GIGYF2: variants seen among roughly 807,000 people sequenced by gnomAD.
GIGYF2 encodes the protein GRB10 interacting GYF protein 2, also known as GRB10-interacting GYF protein 2.
A neutral mutation model predicts 208.1 loss-of-function variants in GIGYF2; 25 were observed. The ratio of observed to expected loss-of-function variants is 0.12; its 90% CI spans 0.09 to 0.17. The LOEUF (loss-of-function observed/expected upper bound fraction) is 0.17. Ranked by LOEUF, GIGYF2 falls within the 10% of genes least tolerant of loss-of-function variation. The pLI is 1.00. For synonymous variants in GIGYF2, 534 were observed against 543.8 expected (o/e 0.98, Z 0.25); for missense variants, 1,302 against 1,579.4 (o/e 0.82, Z 2.98).
chr2:232,741,949 C>A (rs1697981884), intron 3 of GIGYF2, among the ~76,000 whole-genome samples: 2 of 152,094 alleles, frequency 1.3e-5, no homozygotes, highest in South Asian at 4.1e-4. Flanking sequence ...ATCTCAAATT[C>A]TCTTTTTCCC....
Position 232,819,904 on chromosome 2 carries a change from A to G in GIGYF2, c.2448A>G (p.Gln816=). Residue 816 remains glutamine, a synonymous_variant, in exon 21 of 29, where the codon CAA becomes CAG. Transcript: ENST00000373563. ...GAGAAGAGGAAGAAAGACAGCAGCA[A>G]GAAGAAGCTCTTAGAAGACTGGAAG... ...RQREEEERQQ[Q]EEALRRLEER... The G allele has an allele frequency of 6.3e-7, 1 of 1,592,130 alleles. No homozygotes were observed. Among genetic ancestry groups the G allele is most frequent in the South Asian group, 1.1e-5 (1 of 90,656 alleles).
chr2:232,836,296 A>ACT (rs1293533593), intron 22 of GIGYF2, among the ~76,000 whole-genome samples: 1,412 of 19,488 alleles, frequency 0.072, 251 homozygotes, highest in Non-Finnish European at 0.094. Flanking sequence ...ATATATATAT[A>ACT]TATATATATA....
At chr2:232,753,922 T>C (rs367854842) in intron 5 of GIGYF2, among the ~76,000 whole-genome samples, 2 of 152,054 alleles carry the variant, frequency 1.3e-5, no homozygotes, top group East Asian at 3.9e-4. Context: ...TCCCAGCACT[T>C]TGGGAGGCCG....
chr2:232,815,695 C>T lies in GIGYF2; in HGVS notation c.2166C>T (p.Ala722=). ...TGGACACCACGACACCAGGCCCTGC[C>T]CTGGAACAGCTTCAGCAGCTAGAGA... ...LPLDTTTPGP[A]LEQLQQLEKA... The change falls in exon 19 of 29, where the codon GCC becomes GCT. Residue 722 remains alanine, a synonymous_variant. Transcript: ENST00000373563. 6.2e-7 allele frequency: 1 copy of T among 1,608,408 alleles called. No individual in the cohort carries two copies. Among genetic ancestry groups the T allele is most frequent in the Non-Finnish European group, 8.5e-7 (1 of 1,174,728 alleles).
intron 6 of GIGYF2, among the ~76,000 whole-genome samples, chr2:232,756,845 A>G (rs544423150): frequency 1.4e-4 from 22 of 152,252 alleles, no homozygotes; most frequent in African/African-American, 4.8e-4. Flanking sequence ...AGTTTTACAT[A>G]TTTTTGTCTT....
intron 18 of GIGYF2, 49 bp from the exon 19 acceptor site, chr2:232,815,584 CACCA>C: frequency 1.0e-6 from 1 of 953,328 alleles, no homozygotes; most frequent in Admixed American, 1.7e-5. Flanking sequence ...ACGGATATGT[CACCA>C]TGTGTGTAAG....
At chr2:232,722,211 G>T (rs1160929908) in intron 2 of GIGYF2, among the ~76,000 whole-genome samples, 1 of 152,174 alleles carries the variant, frequency 6.6e-6, no homozygotes, top group Non-Finnish European at 1.5e-5. Context: ...AACTGCCTGA[G>T]ACTGGGTAAT....
At chr2:232,726,752 G>C (rs143765787) in intron 2 of GIGYF2, among the ~76,000 whole-genome samples, 1 of 152,094 alleles carries the variant, frequency 6.6e-6, no homozygotes, top group Non-Finnish European at 1.5e-5. Flanking sequence ...GATCTTGCCC[G>C]CTCCATACCT....
chr2:232,835,481 C>T (rs1179189143), intron 22 of GIGYF2, among the ~76,000 whole-genome samples: 1 of 152,058 alleles, frequency 6.6e-6, no homozygotes, highest in Non-Finnish European at 1.5e-5. Flanking sequence ...GTTTTTGTTG[C>T]CTGCTTTTTT....
rs1344110215 is a variant in GIGYF2, at chr2:232,781,162, T to C, written c.533-5988T>C. 6.6e-5 allele frequency among the ~76,000 whole-genome samples: 10 copies of C among 152,226 alleles called. No homozygotes were observed. In the East Asian group the frequency reaches 1.4e-3, roughly 21 times the overall value. On this transcript the variant is annotated intron_variant, in intron 8 of 28. Transcript: ENST00000373563. Reference sequence around the variant, plus strand: ...TTAGTAGAAACGGGGTTTTGTCATGTTGGCCAGGCTGGTCTCGAACTCCTG... The same window carrying C: ...TTAGTAGAAACGGGGTTTTGTCATGCTGGCCAGGCTGGTCTCGAACTCCTG...
Position 232,761,393 on chromosome 2 carries a change from CA to C in GIGYF2, c.492-2del. On this transcript the variant is annotated splice_acceptor_variant, in intron 7 of 28. Coordinates refer to ENST00000373563, the MANE Select transcript of GIGYF2 (RefSeq NM_001103146.3). LOFTEE classifies it high-confidence loss of function. ...TGTTTGAAACTTATTTTTTCTTTTC[CA>C]GGGGTGACAGACGTTTTGAAAAACC... is the stretch of plus-strand genomic sequence containing the variant. 1 of 1,598,288 alleles carries C rather than the reference CA, an allele frequency of 6.3e-7. No individual in the cohort carries two copies. The highest frequency in any genetic ancestry group is 8.6e-7 in the Non-Finnish European group (1 of 1,166,080).
intron 22 of GIGYF2, among the ~76,000 whole-genome samples, chr2:232,836,275 T>A (rs189301232): frequency 2.2e-4 from 1 of 4,616 alleles, no homozygotes; most frequent in African/African-American, 6.1e-4. Context: ...TATATATATA[T>A]ATATATATAT....
At chr2:232,787,962 A>G (rs779025519) in intron 9 of GIGYF2, 21 of 157,216 alleles carry the variant, frequency 1.3e-4, no homozygotes, top group Admixed American at 3.7e-4. Flanking sequence ...AATTGAAGAC[A>G]CTAGTGCTTT....
chr2:232,739,283 A>C (rs1293490064), intron 3 of GIGYF2, among the ~76,000 whole-genome samples: 3 of 149,478 alleles, frequency 2.0e-5, no homozygotes, highest in Non-Finnish European at 3.0e-5. Context: ...GTTTGAACCC[A>C]GGAGGCGGAA....
intron 6 of GIGYF2, 130 bp from the exon 7 acceptor site, chr2:232,760,350 C>A: frequency 1.4e-6 from 1 of 696,622 alleles, no homozygotes; most frequent in Non-Finnish European, 2.6e-6. Flanking sequence ...ATCATCAGGC[C>A]TCGTTCAGTA....
At chr2:232,799,826 G>A (rs1700339073) in intron 14 of GIGYF2, among the ~76,000 whole-genome samples, 1 of 152,146 alleles carries the variant, frequency 6.6e-6, no homozygotes, top group Admixed American at 6.5e-5. Context: ...CCTAATGGGT[G>A]TGAGGTGGTA....
At chr2:232,856,723 C>G (rs1368376110) in intron 28 of GIGYF2, 70 bp from the exon 29 acceptor site, 1 of 922,874 alleles carries the variant, frequency 1.1e-6, no homozygotes, top group African/African-American at 1.6e-5. Flanking sequence ...TACATTCCAG[C>G]TCACCGCCTA....
At chr2:232,771,572 A>G (rs775411174) in intron 8 of GIGYF2, 25 of 513,046 alleles carry the variant, frequency 4.9e-5, no homozygotes, top group Non-Finnish European at 7.6e-5. Context: ...GTGTTACCTT[A>G]AAATATCTCT....
At chr2:232,708,047 G>A (rs185147285) in intron 2 of GIGYF2, among the ~76,000 whole-genome samples, 238 of 150,862 alleles carry the variant, frequency 1.6e-3, no homozygotes, top group Middle Eastern at 3.4e-3. Flanking sequence ...CTGCAGCCTC[G>A]ACCTTCTCAG....
Sources: allele counts gnomAD v4.1 joint callset (sites outside exome capture counted in the v4.1 genomes callset), GRCh38; gene constraint gnomAD v4.1.1; transcripts MANE v1.5; gene names NCBI Gene and HGNC (gene_info 2026-07-23, HGNC 2026-07-21).